MAP3K13: variants seen among roughly 807,000 people sequenced by gnomAD.
The protein encoded by MAP3K13 is mitogen-activated protein kinase kinase kinase 13.
MAP3K13 carries 52 observed loss-of-function variants against 104.0 expected under a neutral mutation model. That is an observed-to-expected ratio of 0.50 (90% CI 0.40 to 0.63). MAP3K13 has a LOEUF of 0.63. Among genes scored for constraint, MAP3K13 ranks in the 20% least tolerant of loss-of-function variants. The pLI is 0.00. For missense variants in MAP3K13, 914 were observed against 1,218.5 expected, an observed-to-expected ratio of 0.75 and a Z score of 3.72; for synonymous variants, 394 against 442.2, an observed-to-expected ratio of 0.89 and a Z score of 1.37.
At chr3:185,433,189 C>T (rs982188963) in intron 2 of MAP3K13, among the ~76,000 whole-genome samples, 1 of 152,216 alleles carries the variant, frequency 6.6e-6, no homozygotes, top group African/African-American at 2.4e-5. Context: ...AAAGCAAGTA[C>T]TGTCATGGCC....
Position 185,418,757 on chromosome 3 carries a change from T to C in MAP3K13, c.-85-9740T>C. 1 of 1,607,964 alleles carries C rather than the reference T, an allele frequency of 6.2e-7. No homozygotes were observed. Among genetic ancestry groups the C allele is most frequent in the Non-Finnish European group, 8.5e-7 (1 of 1,175,298 alleles). ...TCCCCCTTTTCGGAGTACACCGATA[T>C]CATTGGGCGAGCACACGCCATGGCG... On this transcript the variant is annotated intron_variant, in intron 1 of 13. Transcript: ENST00000265026. The surrounding 1 kb of genome is among the most constrained non-coding windows in gnomAD (Gnocchi z 4.5).
rs183167150 is a variant in MAP3K13, at chr3:185,483,217, A to G, written c.*761A>G. 1 of 233,014 alleles carries G rather than the reference A, an allele frequency of 4.3e-6. No homozygotes were observed. Among genetic ancestry groups the G allele is most frequent in the Admixed American group, 5.6e-5 (1 of 17,784 alleles). The allele number at this position is 233,014 out of a possible 1,614,324, so 14.4% of individuals were successfully genotyped here. A position where few individuals can be genotyped will look rare whatever the true frequency, so the allele number is the denominator to read the frequency against. ...AAGCTGGTTTCATTTTTAAATGTTT[A>G]AGCAGCAGTTGGTAGTGAGGTTTAC... On this transcript the variant is annotated 3_prime_UTR_variant, in exon 14 of 14. Transcript: ENST00000265026.
At chr3:185,371,769 G>C (rs1020265996) in intron 1 of MAP3K13, among the ~76,000 whole-genome samples, 1 of 152,144 alleles carries the variant, frequency 6.6e-6, no homozygotes, top group African/African-American at 2.4e-5. Flanking sequence ...GAGTGGATCT[G>C]GGACTCAGAC....
At chr3:185,395,357 C>CTTTTT (rs770336517) in intron 1 of MAP3K13, among the ~76,000 whole-genome samples, 20 of 69,742 alleles carry the variant, frequency 2.9e-4, no homozygotes, top group African/African-American at 1.3e-3. Flanking sequence ...AATATTATTT[C>CTTTTT]TTTTTTTTTT....
intron 2 of MAP3K13, among the ~76,000 whole-genome samples, chr3:185,354,491 T>G (rs146654362): frequency 6.6e-6 from 1 of 150,694 alleles, no homozygotes; most frequent in African/African-American, 2.4e-5. Flanking sequence ...CAGATAGATA[T>G]GTCCTGTCCC....
intron 2 of MAP3K13, among the ~76,000 whole-genome samples, chr3:185,356,318 T>C (rs1431991774): frequency 1.3e-5 from 2 of 152,224 alleles, no homozygotes; most frequent in Non-Finnish European, 2.9e-5. Flanking sequence ...ATTAATGACA[T>C]TGTGTTAATA....
At chr3:185,431,442 A>G (rs114075676) in intron 2 of MAP3K13, among the ~76,000 whole-genome samples, 2 of 152,222 alleles carry the variant, frequency 1.3e-5, no homozygotes, top group African/African-American at 4.8e-5. Flanking sequence ...TTACTTTTGC[A>G]TATATCTTTG....
At chr3:185,316,060 A>G (rs916602792) in intron 2 of MAP3K13, among the ~76,000 whole-genome samples, 1 of 152,180 alleles carries the variant, frequency 6.6e-6, no homozygotes, top group African/African-American at 2.4e-5. Flanking sequence ...TTACTGTTTG[A>G]TAGATAACTT....
In MAP3K13 at chr3:185,443,464, C is replaced by G. The variant is rs1351834639; in HGVS notation, c.679C>G (p.Pro227Ala). ...TGGAAGGGGTGTTTGTACTCAGGCC[C>G]CATGTTATTGTATTATCATGGAATA... Reference protein sequence around the residue: ...IAFKGVCTQAPCYCIIMEYCA... With the variant: ...IAFKGVCTQAACYCIIMEYCA... The change falls in exon 4 of 14, where the codon CCA (proline) becomes GCA (alanine). Residue 227 changes from proline to alanine, a missense_variant. By Grantham distance (27) the Pro-to-Ala change is conservative. Coordinates refer to ENST00000265026, the MANE Select transcript of MAP3K13 (RefSeq NM_004721.5). The G allele has an allele frequency of 3.1e-6, 5 of 1,613,150 alleles. No individual in the cohort carries two copies. The highest frequency in any genetic ancestry group is 1.1e-5 in the South Asian group (1 of 90,976).
chr3:185,373,995 G>T (rs1453264206), intron 1 of MAP3K13, among the ~76,000 whole-genome samples: 1 of 151,310 alleles, frequency 6.6e-6, no homozygotes, highest in Non-Finnish European at 1.5e-5. Context: ...GGCAGGGGGT[G>T]GATCTCACAA....
chr3:185,352,517 T>C (rs753507753), intron 2 of MAP3K13, among the ~76,000 whole-genome samples: 7 of 152,204 alleles, frequency 4.6e-5, no homozygotes, highest in African/African-American at 9.7e-5. Flanking sequence ...AGAGGAAAGA[T>C]TGGATATTCG....
intron 10 of MAP3K13, among the ~76,000 whole-genome samples, chr3:185,471,063 T>TA (rs1325051032): frequency 6.6e-6 from 1 of 152,180 alleles, no homozygotes; most frequent in African/African-American, 2.4e-5. Flanking sequence ...GGTGGATGCT[T>TA]AATGATCTCC....
chr3:185,348,969 A>C (rs915873184), intron 2 of MAP3K13, among the ~76,000 whole-genome samples: 1 of 152,088 alleles, frequency 6.6e-6, no homozygotes, highest in South Asian at 2.1e-4. Flanking sequence ...CCTAGTGGTT[A>C]TGGGTTTTGA....
chr3:185,417,827 G>C (rs1713873087), intron 1 of MAP3K13: 1 of 1,610,180 alleles, frequency 6.2e-7, no homozygotes, highest in Non-Finnish European at 8.5e-7. Context: ...TTTTTCAGTG[G>C]GTTCTTCTTT....
intron 1 of MAP3K13, among the ~76,000 whole-genome samples, chr3:185,411,879 G>C (rs1403404162): frequency 6.6e-6 from 1 of 150,772 alleles, no homozygotes; most frequent in Non-Finnish European, 1.5e-5. Context: ...CCACCTCCCA[G>C]GTTCAAGTGA....
chr3:185,433,959 G>T (rs1714887097), intron 2 of MAP3K13, among the ~76,000 whole-genome samples: 1 of 134,168 alleles, frequency 7.5e-6, no homozygotes. Flanking sequence ...AATTATTTGG[G>T]AATCATTAAA....
intron 1 of MAP3K13, among the ~76,000 whole-genome samples, chr3:185,398,180 A>G (rs989879500): frequency 6.6e-6 from 1 of 152,112 alleles, no homozygotes; most frequent in African/African-American, 2.4e-5. Flanking sequence ...CTGACAAGCA[A>G]TGCTGTCTGT....
At chr3:185,312,315 A>G (rs7631503) in intron 2 of MAP3K13, among the ~76,000 whole-genome samples, 118,220 of 152,234 alleles carry the variant, frequency 0.78, 46,458 homozygotes, top group Non-Finnish European at 0.84. Context: ...AGAAGCTCGG[A>G]TATCAGTTCC....
At chr3:185,394,958 C>T (rs1160354635) in intron 1 of MAP3K13, among the ~76,000 whole-genome samples, 2 of 151,998 alleles carry the variant, frequency 1.3e-5, no homozygotes, top group Non-Finnish European at 2.9e-5. Context: ...AAAATGTAAG[C>T]ATAATAGATG....
Sources: gnomAD v4.1 joint callset for allele counts (sites outside exome capture counted in the v4.1 genomes callset) on GRCh38, gnomAD v4.1.1 for gene constraint, Gnocchi (gnomAD v3.1) non-coding constraint, MANE v1.5 for transcripts, NCBI Gene and HGNC (gene_info 2026-07-23, HGNC 2026-07-21) for gene names.